ECT2L: variants seen among roughly 807,000 people sequenced by gnomAD.
ECT2L encodes the protein epithelial cell transforming 2 like, also known as epithelial cell-transforming sequence 2 oncogene-like.
A neutral mutation model predicts 122.8 loss-of-function variants in ECT2L; 126 were observed. That is an observed-to-expected ratio of 1.03 (90% CI 0.89 to 1.19). The LOEUF (loss-of-function observed/expected upper bound fraction) is 1.19, where lower values mean the gene tolerates loss of function less well. Ranked by LOEUF, ECT2L falls within the 50% of genes most tolerant of loss-of-function variation. ECT2L has a pLI of 0.00. For missense variants in ECT2L, 1,012 were observed against 1,064.1 expected (o/e 0.95, Z 0.68); for synonymous variants, 385 against 381.8 (o/e 1.01, Z -0.10).
At chr6:138,876,821 C>T (rs1404147928) in intron 14 of ECT2L, among the ~76,000 whole-genome samples, 2 of 152,168 alleles carry the variant, frequency 1.3e-5, no homozygotes, top group Non-Finnish European at 2.9e-5. Flanking sequence ...CCTGACTTTC[C>T]TTTATGGTAC....
chr6:138,814,797 T>A (rs1284944073), intron 4 of ECT2L, among the ~76,000 whole-genome samples, 194 bp downstream of exon 4: 2 of 152,218 alleles, frequency 1.3e-5, no homozygotes, highest in Non-Finnish European at 2.9e-5. Context: ...TGGGGAGGAT[T>A]TAATGCTTTC....
At chr6:138,832,223 C>T (rs1215526430) in intron 4 of ECT2L, among the ~76,000 whole-genome samples, 1 of 151,206 alleles carries the variant, frequency 6.6e-6, no homozygotes. Flanking sequence ...AACATTCACT[C>T]CTATTATTAC....
intron 4 of ECT2L, among the ~76,000 whole-genome samples, chr6:138,832,810 G>A (rs576553862): frequency 2.6e-5 from 4 of 151,946 alleles, no homozygotes; most frequent in South Asian, 2.1e-4. Flanking sequence ...CATTTGAAGA[G>A]ATTATGCTTC....
chr6:138,873,894 G>GTGTGTGTGTGTGTGTGTGTGTA lies in ECT2L; in HGVS notation c.1579-2557_1579-2556insATGTGTGTGTGTGTGTGTGTGT, dbSNP rs1554277002. 5.4e-3 allele frequency among the ~76,000 whole-genome samples: 790 copies of GTGTGTGTGTGTGTGTGTGTGTA among 145,886 alleles called. 7 individuals carry two copies. The highest frequency in any genetic ancestry group is 0.019 in the African/African-American group (728 of 38,940). The stretch of plus-strand genomic sequence containing the variant: ...GGACTGTGTGTGTGTGTGTGTGTGT[G>GTGTGTGTGTGTGTGTGTGTGTA]TGTGTGTGTGTGTGTGTGTGTCCAT... On this transcript the variant is annotated intron_variant, in intron 13 of 21. Coordinates refer to ENST00000541398, the MANE Select transcript of ECT2L (RefSeq NM_001077706.3).
intron 13 of ECT2L, among the ~76,000 whole-genome samples, chr6:138,873,121 T>G (rs1004042296): frequency 6.6e-6 from 1 of 152,208 alleles, no homozygotes; most frequent in African/African-American, 2.4e-5. Context: ...TGCATGAAAT[T>G]TGGGCTGAAA....
intron 21 of ECT2L, among the ~76,000 whole-genome samples, chr6:138,901,861 G>A (rs1387298821): frequency 6.6e-6 from 1 of 152,166 alleles, no homozygotes; most frequent in Non-Finnish European, 1.5e-5. Context: ...CCTTACAGAA[G>A]TACCAAACTA....
At chr6:138,847,355 C>CT (rs1170631663) in intron 8 of ECT2L, among the ~76,000 whole-genome samples, 1,247 of 54,954 alleles carry the variant, frequency 0.023, 328 homozygotes, top group Non-Finnish European at 0.03. Flanking sequence ...AAGGCCCAAA[C>CT]TTTTTTTTTT....
intron 14 of ECT2L, 112 bp downstream of exon 14, chr6:138,876,670 T>A (rs1395102216): frequency 0.011 from 5,134 of 465,226 alleles, no homozygotes; most frequent in South Asian, 0.03. Context: ...TTTGGGGGAT[T>A]AAAAAAAAAA....
At chr6:138,844,143 C>T (rs1777137208) in intron 6 of ECT2L, among the ~76,000 whole-genome samples, 1 of 152,198 alleles carries the variant, frequency 6.6e-6, no homozygotes, top group South Asian at 2.1e-4. Flanking sequence ...AATGTGACAC[C>T]TATCAATTGA....
In ECT2L at chr6:138,831,760, G is replaced by A. The variant is rs186051859; in HGVS notation, c.180-6592G>A. Among the ~76,000 whole-genome samples, 279 of 152,216 alleles carry A rather than the reference G, an allele frequency of 1.8e-3. 1 individual carries two copies. Among genetic ancestry groups the A allele is most frequent in the African/African-American group, 6.5e-3 (270 of 41,524 alleles). On this transcript the variant is annotated intron_variant, in intron 4 of 21. Coordinates refer to ENST00000541398, the MANE Select transcript of ECT2L (RefSeq NM_001077706.3). ...TCATTAAAACCGCAGAATGTAAGAA[G>A]GGATTCAAAATAATGTTGATTTAAT...
chr6:138,893,186 T>TTG (rs1779093425), intron 20 of ECT2L, among the ~76,000 whole-genome samples: 1 of 123,362 alleles, frequency 8.1e-6, no homozygotes, highest in African/African-American at 3.9e-5. Flanking sequence ...TTTTTTTTTG[T>TTG]TTTTTTTTGT....
At chr6:138,874,516 G>A (rs1421844353) in intron 13 of ECT2L, among the ~76,000 whole-genome samples, 3 of 152,152 alleles carry the variant, frequency 2.0e-5, no homozygotes, top group Non-Finnish European at 4.4e-5. Context: ...ATTTAAAAAA[G>A]TAAGTTGCTG....
At chr6:138,900,184 T>C (rs1488961030) in intron 20 of ECT2L, among the ~76,000 whole-genome samples, 1 of 152,206 alleles carries the variant, frequency 6.6e-6, no homozygotes, top group Non-Finnish European at 1.5e-5. Context: ...AATGCTTTTT[T>C]CTCCTATTAA....
At chr6:138,900,210 A>ATCAG (rs1350569620) in intron 20 of ECT2L, among the ~76,000 whole-genome samples, 1 of 152,000 alleles carries the variant, frequency 6.6e-6, no homozygotes. Context: ...CTCATGCCAC[A>ATCAG]TCAGTTCTTA....
chr6:138,853,754 C>T (rs1777525268), intron 9 of ECT2L, among the ~76,000 whole-genome samples: 2 of 152,138 alleles, frequency 1.3e-5, no homozygotes, highest in Admixed American at 6.5e-5. Flanking sequence ...ACCCTGCATG[C>T]GCCTGATATC....
intron 13 of ECT2L, among the ~76,000 whole-genome samples, chr6:138,869,243 C>T (rs2128401749): frequency 6.6e-6 from 1 of 152,340 alleles, no homozygotes; most frequent in East Asian, 1.9e-4. Context: ...GGAGATAGGG[C>T]TGCTGTTAAC....
intron 1 of ECT2L, among the ~76,000 whole-genome samples, chr6:138,799,007 T>G (rs536778895): frequency 6.6e-6 from 1 of 152,332 alleles, no homozygotes; most frequent in East Asian, 1.9e-4. Flanking sequence ...CTTCATTTTT[T>G]TGTGTATAAA....
Position 138,901,557 on chromosome 6 carries a change from C to T in ECT2L, c.2587+437C>T, listed in dbSNP as rs189388330. Among the ~76,000 whole-genome samples, 251 of 152,310 alleles carry T rather than the reference C, an allele frequency of 1.6e-3. 1 individual carries two copies. Among genetic ancestry groups the T allele is most frequent in the African/African-American group, 5.7e-3 (238 of 41,574 alleles). On this transcript the variant is annotated intron_variant, in intron 21 of 21. Transcript: ENST00000541398. Reference sequence around the variant, plus strand: ...CACTACCTTTCCTTCCTTAAGTTTGCATCTAAGCTAGGAGTTGTTAAATAA... The same window carrying T: ...CACTACCTTTCCTTCCTTAAGTTTGTATCTAAGCTAGGAGTTGTTAAATAA...
At chr6:138,886,291 G>A (rs553100185) in intron 18 of ECT2L, among the ~76,000 whole-genome samples, 2 of 152,252 alleles carry the variant, frequency 1.3e-5, no homozygotes, top group African/African-American at 2.4e-5. Flanking sequence ...TGTGCATACT[G>A]TAAACAGGCA....
Sources: gnomAD v4.1 joint callset for allele counts (sites outside exome capture counted in the v4.1 genomes callset) on GRCh38, gnomAD v4.1.1 for gene constraint, MANE v1.5 for transcripts, NCBI Gene and HGNC (gene_info 2026-07-23, HGNC 2026-07-21) for gene names.